ENPP4: variants seen among roughly 807,000 people sequenced by gnomAD.
The protein encoded by ENPP4 is ectonucleotide pyrophosphatase/phosphodiesterase 4.
ENPP4 carries 18 observed loss-of-function variants against 33.4 expected under a neutral mutation model. The observed-to-expected ratio is 0.54, with a 90% CI of 0.37 to 0.80. The LOEUF (loss-of-function observed/expected upper bound fraction) is 0.80. Ranked by LOEUF, ENPP4 falls within the 30% of genes least tolerant of loss-of-function variation. The pLI is 0.00. For synonymous variants in ENPP4, 172 were observed against 189.9 expected (o/e 0.91, Z 0.78); for missense variants, 480 against 541.7 (o/e 0.89, Z 1.13).
chr6:46,145,070 C>A lies in ENPP4; in HGVS notation c.*1430C>A. On this transcript the variant is annotated 3_prime_UTR_variant, in exon 4 of 4. Transcript: ENST00000321037. Reference sequence around the variant, plus strand: ...AAGAACCATTCATCAGTACGTGAGACAAGCAGTTAATAGTATGATCTTTAA... The same window carrying A: ...AAGAACCATTCATCAGTACGTGAGAAAAGCAGTTAATAGTATGATCTTTAA... The A allele has an allele frequency of 2.5e-6, 1 of 393,688 alleles. No homozygotes were observed. The highest frequency in any genetic ancestry group is 4.5e-6 in the Non-Finnish European group (1 of 222,610). The allele number at this position is 393,688 out of a possible 1,614,324, so 24.4% of individuals were successfully genotyped here. A position where few individuals can be genotyped will look rare whatever the true frequency, so the allele number is the denominator to read the frequency against.
Position 46,141,058 on chromosome 6 carries a change from C to T in ENPP4, c.833C>T (p.Thr278Ile), listed in dbSNP as rs1764054602. 10 of 1,587,480 alleles carry T rather than the reference C, an allele frequency of 6.3e-6. No individual in the cohort carries two copies. The highest frequency in any genetic ancestry group is 3.5e-4 in the Middle Eastern group (2 of 5,716). ...GTTTCTTTTTTTTTCTCAGATAGAA[C>T]AGAGGTTTATAACAAACTGAAAAAC... The part of the protein sequence containing the change: ...VAAILPKINR[T>I]EVYNKLKNCS... Residue 278 changes from threonine to isoleucine, a missense_variant, in exon 3 of 4, where the codon ACA becomes ATA. Physicochemically the swap from Thr to Ile is moderately conservative, Grantham distance 89. This residue lies in a region of ENPP4 where 249 missense variants were observed against 251.8 expected (regional missense o/e 0.99). Transcript: ENST00000321037.
intron 1 of ENPP4, among the ~76,000 whole-genome samples, chr6:46,131,185 T>A (rs2127491358): frequency 6.6e-6 from 1 of 152,208 alleles, no homozygotes; most frequent in African/African-American, 2.4e-5. Flanking sequence ...ATACCTTAAG[T>A]TTTAGGGTAC....
chr6:46,131,747 T>C (rs13197714), intron 1 of ENPP4, among the ~76,000 whole-genome samples: 4,020 of 151,554 alleles, frequency 0.027, 70 homozygotes, highest in Middle Eastern at 0.055. Flanking sequence ...ACTTCCACAA[T>C]GGTTGAACTA....
rs758951765 is a variant in ENPP4, at chr6:46,141,038, T to C, written c.827-14T>C. 6 of 1,484,690 alleles carry C rather than the reference T, an allele frequency of 4.0e-6. No homozygotes were observed. Among genetic ancestry groups the C allele is most frequent in the Non-Finnish European group, 5.4e-6 (6 of 1,102,036 alleles). 92.0% of individuals were successfully genotyped at this position (1,484,690 alleles called of 1,614,324 possible). A position where few individuals can be genotyped will look rare whatever the true frequency, so the allele number is the denominator to read the frequency against. On this transcript the variant is annotated splice_polypyrimidine_tract_variant and intron_variant, in intron 2 of 3. Coordinates refer to ENST00000321037, the MANE Select transcript of ENPP4 (RefSeq NM_014936.5). ...CATAACTTGTTTCCTTTGCTGTTTC[T>C]TTTTTTTTCTCAGATAGAACAGAGG... is the stretch of plus-strand genomic sequence containing the variant.
In ENPP4 at chr6:46,140,133, T is replaced by C. The variant is rs749835192; in HGVS notation, c.550T>C (p.Tyr184His). 4 of 1,612,444 alleles carry C rather than the reference T, an allele frequency of 2.5e-6. No homozygotes were observed. Among genetic ancestry groups the C allele is most frequent in the East Asian group, 2.2e-5 (1 of 44,876 alleles). Residue 184 changes from tyrosine to histidine, a missense_variant, in exon 2 of 4, where the codon TAT becomes CAT. Around this residue, in one of 3 missense-constraint regions of ENPP4, gnomAD observed 227 missense variants for 273.7 expected, o/e 0.83. Coordinates refer to ENST00000321037, the MANE Select transcript of ENPP4 (RefSeq NM_014936.5). Reference protein sequence around the residue: ...SNPPVTFATLYWEEPDASGHK... With the variant: ...SNPPVTFATLHWEEPDASGHK... ...CCCACCAGTCACCTTTGCAACACTA[T>C]ATTGGGAAGAACCAGATGCAAGTGG...
chr6:46,137,429 A>G (rs181688182), intron 1 of ENPP4, among the ~76,000 whole-genome samples: 1 of 152,002 alleles, frequency 6.6e-6, no homozygotes, highest in Admixed American at 6.6e-5. Context: ...GGAGACCTGC[A>G]TGCCCTTGAC....
Position 46,146,163 on chromosome 6 carries a change from C to G in ENPP4, c.*2523C>G, listed in dbSNP as rs1764136848. On this transcript the variant is annotated 3_prime_UTR_variant, in exon 4 of 4. Transcript: ENST00000321037. ...TCAGTGAATTCAGAATAAGTACATT[C>G]ATGTATAACATAGGGACAGTTCTGC... 1 of 152,064 alleles carries G rather than the reference C, an allele frequency of 6.6e-6. No homozygotes were observed. The highest frequency in any genetic ancestry group is 2.1e-4 in the South Asian group (1 of 4,836). The allele number at this position is 152,064 out of a possible 1,614,324, so 9.4% of individuals were successfully genotyped here. A position where few individuals can be genotyped will look rare whatever the true frequency, so the allele number is the denominator to read the frequency against.
rs756867227 is a variant in ENPP4, at chr6:46,141,244, T to TTCTGTTGTATCCTAGGAACAAA, written c.997+25_997+46dup. 7.3e-5 allele frequency: 115 copies of TTCTGTTGTATCCTAGGAACAAA among 1,571,288 alleles called. No homozygotes were observed. In the Middle Eastern group the frequency reaches 8.4e-4, roughly 12 times the overall value. On this transcript the variant is annotated intron_variant, in intron 3 of 3. Transcript: ENST00000321037. ...AAATGTAAGTATTTAGTTGAGATAT[T>TTCTGTTGTATCCTAGGAACAAA]TCTGTTGTATCCTAGGAACAAATCA...
intron 1 of ENPP4, among the ~76,000 whole-genome samples, chr6:46,132,100 A>G (rs368744471): frequency 6.6e-6 from 1 of 152,112 alleles, no homozygotes; most frequent in African/African-American, 2.4e-5. Context: ...CCCATTTTGT[A>G]GGTTGCCTGT....
At position 46,143,552 on chromosome 6, in the gene ENPP4, T is replaced by C. The variant is rs1198388891; in HGVS notation, c.1274T>C (p.Ile425Thr). The C allele has an allele frequency of 6.2e-7, 1 of 1,612,694 alleles. No individual in the cohort carries two copies. Among genetic ancestry groups the C allele is most frequent in the Non-Finnish European group, 8.5e-7 (1 of 1,178,986 alleles). The change falls in exon 4 of 4, where the codon ATA becomes ACA. Residue 425 changes from isoleucine (I) to threonine (T), a missense_variant. By Grantham distance (89) the Ile-to-Thr change is moderately conservative. This residue lies in a region of ENPP4 where 249 missense variants were observed against 251.8 expected (regional missense o/e 0.99). Coordinates refer to ENST00000321037, the MANE Select transcript of ENPP4 (RefSeq NM_014936.5). ...LLVLTMLTCL[I>T]IIMQNRLSVP... is the part of the protein sequence containing the mutation. ...GTGTTAACCATGCTAACATGCCTCA[T>C]AATAATCATGCAGAATAGACTTTCT...
At chr6:46,133,376 T>G (rs1304045025) in intron 1 of ENPP4, among the ~76,000 whole-genome samples, 1 of 152,168 alleles carries the variant, frequency 6.6e-6, no homozygotes, top group Non-Finnish European at 1.5e-5. Context: ...TTATTTATAG[T>G]CATAGAATAA....
intron 1 of ENPP4, among the ~76,000 whole-genome samples, chr6:46,138,829 A>G (rs1227787100): frequency 6.6e-6 from 1 of 151,940 alleles, no homozygotes; most frequent in East Asian, 1.9e-4. Flanking sequence ...AGCCTAGGGT[A>G]TTAGTGAAAA....
chr6:46,137,328 A>G (rs902266680), intron 1 of ENPP4, among the ~76,000 whole-genome samples: 2 of 151,874 alleles, frequency 1.3e-5, no homozygotes, highest in Non-Finnish European at 2.9e-5. Context: ...TGCTGATTTA[A>G]AAGTCTACTC....
intron 1 of ENPP4, among the ~76,000 whole-genome samples, chr6:46,132,295 G>A (rs9472694): frequency 0.44 from 66,593 of 150,322 alleles, 15,774 homozygotes; most frequent in Middle Eastern, 0.67. Context: ...TAGGTCTAAC[G>A]TTTAAGTCTT....
chr6:46,137,957 C>T (rs1489372010), intron 1 of ENPP4, among the ~76,000 whole-genome samples: 1 of 151,724 alleles, frequency 6.6e-6, no homozygotes, highest in African/African-American at 2.4e-5. Flanking sequence ...AAAGTGTTTC[C>T]AGTCTACTTG....
chr6:46,132,345 A>G (rs888037642), intron 1 of ENPP4, among the ~76,000 whole-genome samples: 2 of 152,206 alleles, frequency 1.3e-5, no homozygotes, highest in Admixed American at 6.5e-5. Context: ...GGTGTAAGGA[A>G]GGGATCCAGT....
At chr6:46,132,556 G>A (rs980321237) in intron 1 of ENPP4, among the ~76,000 whole-genome samples, 2 of 152,124 alleles carry the variant, frequency 1.3e-5, no homozygotes, top group African/African-American at 2.4e-5. Flanking sequence ...TGGTTACTGT[G>A]GACTTGTAGT....
chr6:46,140,432 G>T, intron 2 of ENPP4, 23 bp downstream of exon 2: 3 of 1,344,236 alleles, frequency 2.2e-6, no homozygotes, highest in South Asian at 1.4e-5. Flanking sequence ...TCAACTGAGG[G>T]ATACTATTAT....
chr6:46,145,291 T>C lies in ENPP4; in HGVS notation c.*1651T>C. On this transcript the variant is annotated 3_prime_UTR_variant, in exon 4 of 4. Coordinates refer to ENST00000321037, the MANE Select transcript of ENPP4 (RefSeq NM_014936.5). Reference sequence around the variant, plus strand: ...TATTTGCTGCCTATTGTATTTGTGGTTGTTGAGAGGCATTTTCAAACCCTG... The same window carrying C: ...TATTTGCTGCCTATTGTATTTGTGGCTGTTGAGAGGCATTTTCAAACCCTG... 1 of 210,582 alleles carries C rather than the reference T, an allele frequency of 4.7e-6. No homozygotes were observed. Among genetic ancestry groups the C allele is most frequent in the Non-Finnish European group, 9.3e-6 (1 of 106,984 alleles). 13.0% of individuals were successfully genotyped at this position (210,582 alleles called of 1,614,324 possible). A position where few individuals can be genotyped will look rare whatever the true frequency, so the allele number is the denominator to read the frequency against.
Sources: allele counts gnomAD v4.1 joint callset (sites outside exome capture counted in the v4.1 genomes callset), GRCh38; gene constraint gnomAD v4.1.1; regional missense constraint gnomAD v4.1.1; transcripts MANE v1.5; gene names NCBI Gene and HGNC (gene_info 2026-07-23, HGNC 2026-07-21).